Variants in DNAJC18 observed in about 807,000 individuals in gnomAD.
DNAJC18 encodes dnaJ homolog subfamily C member 18.
Under a neutral mutation model 48.6 loss-of-function variants are expected in DNAJC18, and 40 were observed. The observed-to-expected ratio is 0.82, with a 90% CI of 0.64 to 1.07. The LOEUF is 1.07. Ranked by LOEUF, DNAJC18 falls within the 50% of genes least tolerant of loss-of-function variation. DNAJC18 has a pLI of 0.00. For missense variants in DNAJC18, 340 were observed against 427.7 expected (o/e 0.79, Z 1.81); for synonymous variants, 135 against 152.2 (o/e 0.89, Z 0.83).
intron 2 of DNAJC18, among the ~76,000 whole-genome samples, chr5:139,436,383 T>C (rs1750657282): frequency 6.6e-6 from 1 of 151,928 alleles, no homozygotes; most frequent in Non-Finnish European, 1.5e-5. Context: ...CCACCATGCC[T>C]GGCCTCCATT....
intron 6 of DNAJC18, among the ~76,000 whole-genome samples, chr5:139,421,630 AC>A (rs1203054521): frequency 6.6e-6 from 1 of 152,026 alleles, no homozygotes; most frequent in Non-Finnish European, 1.5e-5. Context: ...ACATAGTGAA[AC>A]CCTGTCTCTA....
In DNAJC18 at chr5:139,428,578, A is replaced by G. The variant is rs746319481; in HGVS notation, c.333T>C (p.Pro111=). The G allele has an allele frequency of 6.2e-7, 1 of 1,614,148 alleles. No individual in the cohort carries two copies. The highest frequency in any genetic ancestry group is 1.1e-5 in the South Asian group (1 of 91,074). ...TTGCTCCAGGAGCACAGTTCTTGTCAGGGTGAAATTTCAGGGCGAGTTTTC... is the reference window on the plus strand; with the variant it reads ...TTGCTCCAGGAGCACAGTTCTTGTCGGGGTGAAATTTCAGGGCGAGTTTTC... The part of the protein sequence containing the change: ...AYRKLALKFH[P]DKNCAPGATD... The change falls in exon 3 of 8, where the codon CCT becomes CCC. Residue 111 remains proline (P), a synonymous_variant. Transcript: ENST00000302060.
chr5:139,433,432 A>G (rs867853077), intron 2 of DNAJC18, among the ~76,000 whole-genome samples: 12 of 151,700 alleles, frequency 7.9e-5, no homozygotes, highest in Admixed American at 6.6e-4. Context: ...CGACAAGAGC[A>G]AAACTCCATC....
chr5:139,420,232 CAAG>C lies in DNAJC18; in HGVS notation c.780-10_780-8del, dbSNP rs1338552899. 5 of 1,602,976 alleles carry C rather than the reference CAAG, an allele frequency of 3.1e-6. No individual in the cohort carries two copies. Among genetic ancestry groups the C allele is most frequent in the Middle Eastern group, 1.7e-4 (1 of 5,738 alleles). On this transcript the variant is annotated splice_region_variant and splice_polypyrimidine_tract_variant and intron_variant, in intron 6 of 7. Coordinates refer to ENST00000302060, the MANE Select transcript of DNAJC18 (RefSeq NM_152686.4). ...AATGGTGTAGCCCAAGGTCCTGAAA[CAAG>C]GAGAGAGAGGCTCATGTGAGCTCAT...
intron 2 of DNAJC18, among the ~76,000 whole-genome samples, chr5:139,431,859 C>T (rs555871797): frequency 1.3e-5 from 2 of 152,262 alleles, no homozygotes; most frequent in Admixed American, 1.3e-4. Context: ...ACTTATCATC[C>T]ACCTTTTTGA....
At chr5:139,426,668 C>A (rs565155693) in intron 3 of DNAJC18, among the ~76,000 whole-genome samples, 1 of 152,160 alleles carries the variant, frequency 6.6e-6, no homozygotes, top group Admixed American at 6.5e-5. Context: ...TTCGGGTTCC[C>A]AGTCACCACA....
rs1463591497 is a variant in DNAJC18, at chr5:139,439,448, C to G, written c.-3G>C. 1.9e-6 allele frequency: 3 copies of G among 1,613,872 alleles called. No individual in the cohort carries two copies. The highest frequency in any genetic ancestry group is 3.3e-5 in the Admixed American group (2 of 60,012). On this transcript the variant is annotated 5_prime_UTR_variant, in exon 1 of 8. Coordinates refer to ENST00000302060, the MANE Select transcript of DNAJC18 (RefSeq NM_152686.4). This position sits in a 1 kb window ranked among gnomAD's most constrained non-coding sequence, Gnocchi z 4.1. The stretch of plus-strand genomic sequence containing the variant: ...CCGCTGCCCAGAGTCGCCGCCATAT[C>G]GGTTCCCAATCAGCAGGTCCGCCGA...
intron 7 of DNAJC18, among the ~76,000 whole-genome samples, chr5:139,416,821 C>T (rs902764565): frequency 2.0e-5 from 3 of 152,236 alleles, no homozygotes; most frequent in African/African-American, 7.2e-5. Flanking sequence ...TGGCATCAGG[C>T]TTACTATCTA....
chr5:139,426,603 A>G (rs1759247165), intron 3 of DNAJC18, among the ~76,000 whole-genome samples: 1 of 152,184 alleles, frequency 6.6e-6, no homozygotes, highest in South Asian at 2.1e-4. Context: ...TTAACTCCCA[A>G]TCAACAGTCC....
intron 6 of DNAJC18, among the ~76,000 whole-genome samples, chr5:139,420,994 T>C (rs570982728): frequency 6.6e-6 from 1 of 152,304 alleles, no homozygotes; most frequent in South Asian, 2.1e-4. Context: ...GAGTAAGAGC[T>C]GAAGCCATGA....
intron 7 of DNAJC18, among the ~76,000 whole-genome samples, chr5:139,414,584 A>G (rs376111475): frequency 1.3e-5 from 2 of 152,348 alleles, no homozygotes; most frequent in East Asian, 1.9e-4. Flanking sequence ...AGACCACCCT[A>G]TAGCCTCCTA....
At position 139,414,074 on chromosome 5, in the gene DNAJC18, A is replaced by G. The variant is rs1439111269; in HGVS notation, c.*74T>C. On this transcript the variant is annotated 3_prime_UTR_variant, in exon 8 of 8. Transcript: ENST00000302060. ...AGTGTTCATCATTACCTAGTTTTGT[A>G]TTATAAAATGGAATCAGGAACATAA... 1.3e-6 allele frequency: 2 copies of G among 1,562,972 alleles called. No individual in the cohort carries two copies. The highest frequency in any genetic ancestry group is 8.6e-7 in the Non-Finnish European group (1 of 1,158,476).
intron 2 of DNAJC18, among the ~76,000 whole-genome samples, chr5:139,429,945 C>A (rs1427126701): frequency 6.6e-6 from 1 of 152,024 alleles, no homozygotes; most frequent in Non-Finnish European, 1.5e-5. Flanking sequence ...AAACAAAAAA[C>A]AATTTATCTT....
At position 139,412,981 on chromosome 5, in the gene DNAJC18, C is replaced by T. The variant is rs544089612; in HGVS notation, c.*1167G>A. 5.3e-5 allele frequency: 21 copies of T among 398,232 alleles called. No individual in the cohort carries two copies. The highest frequency in any genetic ancestry group is 3.1e-4 in the African/African-American group (15 of 48,748). 24.7% of individuals were successfully genotyped at this position (398,232 alleles called of 1,614,324 possible). On this transcript the variant is annotated 3_prime_UTR_variant, in exon 8 of 8. Coordinates refer to ENST00000302060, the MANE Select transcript of DNAJC18 (RefSeq NM_152686.4). ...ACTTTCTACTTGACACTCAGCCTAC[C>T]GTCTTGCTCTGCCACTACAAGACCT...
chr5:139,412,898 G>A lies in DNAJC18; in HGVS notation c.*1250C>T, dbSNP rs1759014050. ...TTGGGGAGGACGGAGGCATCCTCGG[G>A]AAAGGTTCTGCTTTGCCAGTCTGGC... is the stretch of plus-strand genomic sequence containing the variant. On this transcript the variant is annotated 3_prime_UTR_variant, in exon 8 of 8. Coordinates refer to ENST00000302060, the MANE Select transcript of DNAJC18 (RefSeq NM_152686.4). 2.5e-6 allele frequency: 1 copy of A among 398,548 alleles called. No individual in the cohort carries two copies. Among genetic ancestry groups the A allele is most frequent in the Non-Finnish European group, 4.4e-6 (1 of 226,102 alleles). The allele number at this position is 398,548 out of a possible 1,614,324, so 24.7% of individuals were successfully genotyped here. A position where few individuals can be genotyped will look rare whatever the true frequency, so the allele number is the denominator to read the frequency against.
At chr5:139,425,460 G>C (rs1459296464) in intron 4 of DNAJC18, among the ~76,000 whole-genome samples, 1 of 152,220 alleles carries the variant, frequency 6.6e-6, no homozygotes, top group Admixed American at 6.5e-5. Context: ...TACCGCGCCT[G>C]ACCCTTCCTT....
intron 7 of DNAJC18, among the ~76,000 whole-genome samples, chr5:139,416,232 A>G (rs1759067224): frequency 6.6e-6 from 1 of 152,192 alleles, no homozygotes; most frequent in Non-Finnish European, 1.5e-5. Flanking sequence ...CTAAGTAATT[A>G]AAAAAAATTT....
rs1391219763 is a variant in DNAJC18 at position 139,432,119 on chromosome 5, TAC to T, written c.228-3438_228-3437del. Among the ~76,000 whole-genome samples, 4 of 152,288 alleles carry T rather than the reference TAC, an allele frequency of 2.6e-5. No individual in the cohort carries two copies. In the East Asian group the frequency reaches 7.7e-4, roughly 29 times the overall value. Reference sequence around the variant, plus strand: ...TCCAGATAAAGTCCCTTATCAGATATACAGTTTTTAAATGTTTTCTCCCATTC... The same window carrying T: ...TCCAGATAAAGTCCCTTATCAGATATAGTTTTTAAATGTTTTCTCCCATTC... On this transcript the variant is annotated intron_variant, in intron 2 of 7. Coordinates refer to ENST00000302060, the MANE Select transcript of DNAJC18 (RefSeq NM_152686.4).
Position 139,420,034 on chromosome 5 carries a change from C to T in DNAJC18, c.952+19G>A. 6.5e-7 allele frequency: 1 copy of T among 1,539,018 alleles called. No individual in the cohort carries two copies. Among genetic ancestry groups the T allele is most frequent in the Non-Finnish European group, 8.7e-7 (1 of 1,148,192 alleles). On this transcript the variant is annotated intron_variant, in intron 7 of 7. Transcript: ENST00000302060. ...GGGAACCACAGCCACCAGCTAATGCCCCTTTTACAGTATCTTACTTTGTTG... is the reference window on the plus strand; with the variant it reads ...GGGAACCACAGCCACCAGCTAATGCTCCTTTTACAGTATCTTACTTTGTTG...
Sources: gnomAD v4.1 joint callset for allele counts (sites outside exome capture counted in the v4.1 genomes callset) on GRCh38, gnomAD v4.1.1 for gene constraint, Gnocchi (gnomAD v3.1) non-coding constraint, MANE v1.5 for transcripts, NCBI Gene and HGNC (gene_info 2026-07-23, HGNC 2026-07-21) for gene names.